The following SEPTIN9 variants were observed in gnomAD, a reference collection of about 807,000 sequenced individuals.
SEPTIN9 encodes septin-9.
A neutral mutation model predicts 56.6 loss-of-function variants in SEPTIN9; 13 were observed. The observed-to-expected ratio is 0.23, with a 90% CI of 0.15 to 0.37. The LOEUF (loss-of-function observed/expected upper bound fraction) is 0.37. Ranked by LOEUF, SEPTIN9 falls within the 10% of genes least tolerant of loss-of-function variation. The probability of loss-of-function intolerance (pLI) is 1.00; values close to 1 mark genes in which losing one functional copy is unlikely to be tolerated. For synonymous variants in SEPTIN9, 332 were observed against 334.1 expected (o/e 0.99, Z 0.07); for missense variants, 650 against 823.1 (o/e 0.79, Z 2.57).
rs1375475953 is a variant in SEPTIN9, at chr17:77,425,801, G to A, written c.721+23098G>A. On this transcript the variant is annotated intron_variant, in intron 3 of 11. Coordinates refer to ENST00000427177, the MANE Select transcript of SEPTIN9 (RefSeq NM_001113491.2). This position sits in a 1 kb window ranked among gnomAD's most constrained non-coding sequence, Gnocchi z 4.2. ...TTTTACCTGTGTGCTTAGAATCTGT[G>A]CGTGGAGCCAGAAGTCACAAGGTTG... Among the ~76,000 whole-genome samples, 2 of 151,912 alleles carry A rather than the reference G, an allele frequency of 1.3e-5. No individual in the cohort carries two copies. Among genetic ancestry groups the A allele is most frequent in the Non-Finnish European group, 2.9e-5 (2 of 67,990 alleles).
intron 2 of SEPTIN9, among the ~76,000 whole-genome samples, chr17:77,335,966 T>C (rs12451134): frequency 0.12 from 7,406 of 59,790 alleles, 2,095 homozygotes; most frequent in Middle Eastern, 0.2. Context: ...ATGTAGGTCC[T>C]ATGTTGACTG....
chr17:77,395,618 GA>G lies in SEPTIN9; in HGVS notation c.77-6437del, dbSNP rs375226398. On this transcript the variant is annotated intron_variant, in intron 2 of 11. Coordinates refer to ENST00000427177, the MANE Select transcript of SEPTIN9 (RefSeq NM_001113491.2). ...GTAGTATAAGCATCTCAGAAGGCAGGAAAATGTAATGAACAACACCCACCGC... is the reference window on the plus strand; with the variant it reads ...GTAGTATAAGCATCTCAGAAGGCAGGAAATGTAATGAACAACACCCACCGC... Among the ~76,000 whole-genome samples the G allele has an allele frequency of 2.0e-4, 30 of 152,202 alleles. No individual in the cohort carries two copies. In the South Asian group the frequency reaches 2.7e-3, roughly 14 times the overall value.
intron 10 of SEPTIN9, among the ~76,000 whole-genome samples, chr17:77,494,047 G>A (rs1304237767): frequency 6.6e-6 from 1 of 152,072 alleles, no homozygotes; most frequent in East Asian, 1.9e-4. Flanking sequence ...AAAGTGCTGG[G>A]ATTACAGGAA....
chr17:77,309,147 G>T (rs1429596411), intron 2 of SEPTIN9, among the ~76,000 whole-genome samples: 1 of 152,258 alleles, frequency 6.6e-6, no homozygotes, highest in East Asian at 1.9e-4. Context: ...CCCAGTTCTT[G>T]TGGGGGTTGC....
In SEPTIN9 at chr17:77,492,862, C is replaced by G; in HGVS notation, c.1477-118C>G. The G allele has an allele frequency of 8.3e-7, 1 of 1,209,382 alleles. No homozygotes were observed. Among genetic ancestry groups the G allele is most frequent in the Non-Finnish European group, 1.2e-6 (1 of 823,508 alleles). The allele number at this position is 1,209,382 out of a possible 1,614,324, so 74.9% of individuals were successfully genotyped here. A position where few individuals can be genotyped will look rare whatever the true frequency, so the allele number is the denominator to read the frequency against. On this transcript the variant is annotated intron_variant, in intron 9 of 11. Transcript: ENST00000427177. This position sits in a 1 kb window ranked among gnomAD's most constrained non-coding sequence, Gnocchi z 5.4. The stretch of plus-strand genomic sequence containing the variant: ...CCCAGGTGTCTGTACCCAGTGCTGT[C>G]AGGCTGAGGCTCTCGTTTTTGGGGG...
intron 3 of SEPTIN9, among the ~76,000 whole-genome samples, chr17:77,452,981 T>C (rs1006976403): frequency 6.6e-6 from 1 of 151,648 alleles, no homozygotes; most frequent in African/African-American, 2.4e-5. Flanking sequence ...TTTTTAATGC[T>C]CGTCTCTGGA....
At position 77,437,145 on chromosome 17, in the gene SEPTIN9, G is replaced by A. The variant is rs992053854; in HGVS notation, c.721+34442G>A. On this transcript the variant is annotated intron_variant, in intron 3 of 11. Coordinates refer to ENST00000427177, the MANE Select transcript of SEPTIN9 (RefSeq NM_001113491.2). This position sits in a 1 kb window ranked among gnomAD's most constrained non-coding sequence, Gnocchi z 5.3. ...TCAGCATCCCTGCCTTGACACCCCC[G>A]TGTGGCAGCTGCTGTGATTCTGTGA... 3.9e-5 allele frequency among the ~76,000 whole-genome samples: 6 copies of A among 152,342 alleles called. No individual in the cohort carries two copies. Among genetic ancestry groups the A allele is most frequent in the Non-Finnish European group, 7.3e-5 (5 of 68,030 alleles).
intron 2 of SEPTIN9, among the ~76,000 whole-genome samples, chr17:77,342,456 A>G (rs2033764240): frequency 6.6e-6 from 1 of 152,290 alleles, no homozygotes; most frequent in South Asian, 2.1e-4. Flanking sequence ...AAGAACCAGC[A>G]TTGGACTCCC....
In SEPTIN9 at chr17:77,492,913, C is replaced by G. The variant is rs934170577; in HGVS notation, c.1477-67C>G. ...ACCCCAGGCTCAGGGCAGCTCCTCC[C>G]GGGGGCCCAGGGGAGGGAATTGCCT... On this transcript the variant is annotated intron_variant, in intron 9 of 11. Coordinates refer to ENST00000427177, the MANE Select transcript of SEPTIN9 (RefSeq NM_001113491.2). The surrounding 1 kb of genome is among the most constrained non-coding windows in gnomAD (Gnocchi z 5.4). The G allele has an allele frequency of 1.4e-6, 2 of 1,457,966 alleles. No homozygotes were observed. Among genetic ancestry groups the G allele is most frequent in the Non-Finnish European group, 1.9e-6 (2 of 1,059,910 alleles). 90.3% of individuals were successfully genotyped at this position (1,457,966 alleles called of 1,614,324 possible). A position where few individuals can be genotyped will look rare whatever the true frequency, so the allele number is the denominator to read the frequency against.
chr17:77,309,880 T>C (rs75920688), intron 2 of SEPTIN9, among the ~76,000 whole-genome samples: 24,481 of 152,212 alleles, frequency 0.16, 2,149 homozygotes, highest in African/African-American at 0.22. Flanking sequence ...TTCTCCATCC[T>C]AGCCCCACTC....
At chr17:77,391,672 C>T (rs1198578770) in intron 2 of SEPTIN9, among the ~76,000 whole-genome samples, 1 of 152,166 alleles carries the variant, frequency 6.6e-6, no homozygotes, top group Non-Finnish European at 1.5e-5. Context: ...TTAATAAACC[C>T]AGAGTTGGTG....
chr17:77,495,699 A>C (rs1598478318), intron 10 of SEPTIN9, among the ~76,000 whole-genome samples: 1 of 152,172 alleles, frequency 6.6e-6, no homozygotes, highest in East Asian at 1.9e-4. Flanking sequence ...GTGTTAGATG[A>C]GAGTGCTGCT....
At chr17:77,403,205 A>G (rs1202831415) in intron 3 of SEPTIN9, among the ~76,000 whole-genome samples, 2 of 152,036 alleles carry the variant, frequency 1.3e-5, no homozygotes, top group Non-Finnish European at 2.9e-5. Context: ...GGGAGGAGGG[A>G]CGTATGCCTC....
intron 2 of SEPTIN9, among the ~76,000 whole-genome samples, chr17:77,395,514 G>A (rs2035678609): frequency 7.0e-6 from 1 of 143,128 alleles, no homozygotes; most frequent in African/African-American, 2.7e-5. Context: ...GGGCGACAGA[G>A]CGAGACTGTC....
chr17:77,372,114 C>A (rs1310338842), intron 2 of SEPTIN9, among the ~76,000 whole-genome samples: 1 of 152,120 alleles, frequency 6.6e-6, no homozygotes, highest in South Asian at 2.1e-4. Flanking sequence ...TGTAGCGTTG[C>A]GGCCTGCTGC....
At chr17:77,365,046 C>T (rs944536148) in intron 2 of SEPTIN9, among the ~76,000 whole-genome samples, 3 of 152,218 alleles carry the variant, frequency 2.0e-5, no homozygotes, top group Admixed American at 6.5e-5. Context: ...ACGATGTCCC[C>T]AGCCCTTATG....
At chr17:77,466,612 C>T (rs1463279267) in intron 3 of SEPTIN9, 1 of 984,724 alleles carries the variant, frequency 1.0e-6, no homozygotes. Flanking sequence ...AGAAGAGAAG[C>T]AGGAGGTGTG....
intron 2 of SEPTIN9, among the ~76,000 whole-genome samples, chr17:77,334,809 GT>G (rs2033482333): frequency 6.6e-6 from 1 of 151,934 alleles, no homozygotes; most frequent in African/African-American, 2.4e-5. Flanking sequence ...ATCAGTTTTT[GT>G]ATTTGGTTTG....
At chr17:77,385,828 G>T (rs1198427020) in intron 2 of SEPTIN9, among the ~76,000 whole-genome samples, 1 of 152,208 alleles carries the variant, frequency 6.6e-6, no homozygotes, top group Non-Finnish European at 1.5e-5. Context: ...CAGGGTCCTT[G>T]ACCTCTGCCC....
Sources: gnomAD v4.1 joint callset for allele counts (sites outside exome capture counted in the v4.1 genomes callset) on GRCh38, gnomAD v4.1.1 for gene constraint, Gnocchi (gnomAD v3.1) non-coding constraint, MANE v1.5 for transcripts, NCBI Gene and HGNC (gene_info 2026-07-23, HGNC 2026-07-21) for gene names.